TFB1M: variants seen among roughly 807,000 people sequenced by gnomAD.
The protein encoded by TFB1M is dimethyladenosine transferase 1, mitochondrial.
In TFB1M, 27 loss-of-function variants were observed where a neutral mutation model predicts 31.1. The ratio of observed to expected loss-of-function variants is 0.87; its 90% CI spans 0.64 to 1.20. The LOEUF (loss-of-function observed/expected upper bound fraction) is 1.20. TFB1M is among the 50% of genes most tolerant of loss of function. The pLI, the probability that TFB1M is intolerant of heterozygous loss-of-function variation, is 0.00. For missense variants in TFB1M, 394 were observed against 418.7 expected, an observed-to-expected ratio of 0.94 and a Z score of 0.51; for synonymous variants, 166 against 151.8, an observed-to-expected ratio of 1.09 and a Z score of -0.69.
chr6:155,254,824 C>G (rs1294023039), downstream of TFB1M: 6 of 450,976 alleles, frequency 1.3e-5, no homozygotes, highest in Non-Finnish European at 2.4e-5. Flanking sequence ...GTTTCTTCCA[C>G]TAAGATGTGC....
rs986916589 is a variant in TFB1M, at chr6:155,257,500, A to G, written c.*336T>C. ...GGGCATTTTCTTTCAGCTGTTTGTT[A>G]GTTTTTGCTTTATTTAAAGCATATT... On this transcript the variant is annotated 3_prime_UTR_variant, in exon 7 of 7. Transcript: ENST00000367166. The G allele has an allele frequency of 2.9e-6, 1 of 339,582 alleles. No individual in the cohort carries two copies. The highest frequency in any genetic ancestry group is 5.4e-6 in the Non-Finnish European group (1 of 185,968). The allele number at this position is 339,582 out of a possible 1,614,324, so 21.0% of individuals were successfully genotyped here.
At chr6:155,259,749 T>G (rs143591932) in intron 6 of TFB1M, among the ~76,000 whole-genome samples, 1,613 of 152,316 alleles carry the variant, frequency 0.011, 17 homozygotes, top group South Asian at 0.062. Context: ...TCAGAGCCCA[T>G]CGAGGTGGGC....
chr6:155,254,720 C>A (rs2115368040), downstream of TFB1M: 1 of 1,026,332 alleles, frequency 9.7e-7, no homozygotes, highest in Non-Finnish European at 1.4e-6. Context: ...AAACATGCCT[C>A]TTGCTCCCAG....
downstream of TFB1M, chr6:155,253,405 G>A (rs187604094): frequency 3.3e-3 from 844 of 253,620 alleles, 3 homozygotes; most frequent in Non-Finnish European, 5.4e-3. Flanking sequence ...ATTCCTTAAG[G>A]TTAGGTAGTA....
intron 6 of TFB1M, among the ~76,000 whole-genome samples, chr6:155,258,594 A>ATCTT: frequency 6.6e-6 from 1 of 152,374 alleles, no homozygotes; most frequent in African/African-American, 2.4e-5. Context: ...TTTTTCAAGC[A>ATCTT]TCTTTAAAAC....
intron 4 of TFB1M, among the ~76,000 whole-genome samples, chr6:155,295,148 C>T (rs899293666): frequency 2.0e-5 from 3 of 152,080 alleles, no homozygotes; most frequent in Non-Finnish European, 2.9e-5. Context: ...GGGTGGATCA[C>T]GAGGTCAGGA....
At chr6:155,270,497 C>T (rs1784869225) in intron 5 of TFB1M, among the ~76,000 whole-genome samples, 1 of 152,154 alleles carries the variant, frequency 6.6e-6, no homozygotes, top group Non-Finnish European at 1.5e-5. Flanking sequence ...AGGTCTATAG[C>T]TAACGAAAGT....
chr6:155,230,926 C>T, the TFB1M span, among the ~76,000 whole-genome samples: 21 of 151,780 alleles, frequency 1.4e-4, no homozygotes, highest in African/African-American at 3.6e-4. Context: ...CTCTGCCTCC[C>T]GGGTTCAAGC....
At position 155,258,025 on chromosome 6, in the gene TFB1M, T is replaced by G. The variant is rs1784189664; in HGVS notation, c.852A>C (p.Ala284=). Residue 284 remains alanine (A), a synonymous_variant, in exon 7 of 7, where the codon GCA becomes GCC. Coordinates refer to ENST00000367166, the MANE Select transcript of TFB1M (RefSeq NM_016020.4). Reference sequence around the variant, plus strand: ...GGGGCCGAAGAGTAGGGTCTATGTCTGCCAACTCTAACAGCCTGCCCGTGC... The same window carrying G: ...GGGGCCGAAGAGTAGGGTCTATGTCGGCCAACTCTAACAGCCTGCCCGTGC... The part of the protein sequence containing the change: ...LESTGRLLEL[A]DIDPTLRPRQ... 6.2e-7 allele frequency: 1 copy of G among 1,614,244 alleles called. No homozygotes were observed. Among genetic ancestry groups the G allele is most frequent in the Non-Finnish European group, 8.5e-7 (1 of 1,180,020 alleles).
At position 155,256,387 on chromosome 6, in the gene TFB1M, A is replaced by G; in HGVS notation, c.*1449T>C. 6.5e-7 allele frequency: 1 copy of G among 1,539,260 alleles called. No homozygotes were observed. The highest frequency in any genetic ancestry group is 8.8e-7 in the Non-Finnish European group (1 of 1,138,182). ...TAACTGAAGTCATATCATAAAATAA[A>G]ATCTTAATGTTAAATCTTACACAAG... On this transcript the variant is annotated 3_prime_UTR_variant, in exon 7 of 7. Coordinates refer to ENST00000367166, the MANE Select transcript of TFB1M (RefSeq NM_016020.4).
At chr6:155,286,655 A>C (rs956825685) in intron 4 of TFB1M, among the ~76,000 whole-genome samples, 11 of 147,976 alleles carry the variant, frequency 7.4e-5, no homozygotes, top group Non-Finnish European at 1.6e-4. Flanking sequence ...GTGTGTATAT[A>C]TATATGTATA....
At chr6:155,263,682 T>C (rs1232803979) in intron 5 of TFB1M, among the ~76,000 whole-genome samples, 2 of 152,172 alleles carry the variant, frequency 1.3e-5, no homozygotes, top group Non-Finnish European at 2.9e-5. Flanking sequence ...CTGAGAACTG[T>C]AATCAACATG....
At chr6:155,299,987 C>G (rs1777353451) in intron 2 of TFB1M, among the ~76,000 whole-genome samples, 1 of 152,162 alleles carries the variant, frequency 6.6e-6, no homozygotes, top group African/African-American at 2.4e-5. Context: ...ACCTTTATAG[C>G]CCCTGTAGCT....
At chr6:155,279,673 C>G (rs1343328715) in intron 5 of TFB1M, among the ~76,000 whole-genome samples, 4 of 152,168 alleles carry the variant, frequency 2.6e-5, no homozygotes, top group African/African-American at 4.8e-5. Flanking sequence ...TTCTGCAGAA[C>G]ACTATCACAT....
chr6:155,300,113 T>C (rs1777359624), intron 2 of TFB1M, among the ~76,000 whole-genome samples: 1 of 152,198 alleles, frequency 6.6e-6, no homozygotes, highest in Non-Finnish European at 1.5e-5. Context: ...GCCTGGGAGA[T>C]GTTGGCTTCC....
At chr6:155,268,233 A>G (rs1045729334) in intron 5 of TFB1M, among the ~76,000 whole-genome samples, 2 of 152,162 alleles carry the variant, frequency 1.3e-5, no homozygotes, top group African/African-American at 4.8e-5. Context: ...CCTCCACACC[A>G]TAGCCAAGTG....
At position 155,302,774 on chromosome 6, in the gene TFB1M, G is replaced by A. The variant is rs185001469; in HGVS notation, c.286-4189C>T. ...TTTGACATTAGATTTGTATTAGTCC[G>A]TTCTCATGCTGCTAATAAAGACATA... On this transcript the variant is annotated intron_variant, in intron 2 of 6. Coordinates refer to ENST00000367166, the MANE Select transcript of TFB1M (RefSeq NM_016020.4). Among the ~76,000 whole-genome samples the A allele has an allele frequency of 5.9e-3, 898 of 152,102 alleles. 5 individuals carry two copies. The highest frequency in any genetic ancestry group is 9.4e-3 in the Non-Finnish European group (640 of 67,988).
At chr6:155,262,359 T>A (rs1201863540) in intron 5 of TFB1M, among the ~76,000 whole-genome samples, 1 of 152,164 alleles carries the variant, frequency 6.6e-6, no homozygotes, top group East Asian at 1.9e-4. Flanking sequence ...CTGATTTGTA[T>A]AGAGAAGTGG....
At chr6:155,259,074 A>C (rs1000966474) in intron 6 of TFB1M, among the ~76,000 whole-genome samples, 6 of 152,192 alleles carry the variant, frequency 3.9e-5, no homozygotes, top group African/African-American at 1.4e-4. Context: ...TGCCAGCTCT[A>C]GGCTCAGACC....
Sources: allele counts gnomAD v4.1 joint callset (sites outside exome capture counted in the v4.1 genomes callset), GRCh38; gene constraint gnomAD v4.1.1; transcripts MANE v1.5; gene names NCBI Gene and HGNC (gene_info 2026-07-23, HGNC 2026-07-21).